The following PACS1 variants were observed in gnomAD, a reference collection of about 807,000 sequenced individuals.
The protein encoded by PACS1 is phosphofurin acidic cluster sorting protein 1, also known as PACS-1.
A neutral mutation model predicts 115.0 loss-of-function variants in PACS1; 24 were observed. That is an observed-to-expected ratio of 0.21 (90% CI 0.15 to 0.29). The LOEUF is 0.29. PACS1 is among the 10% of genes least tolerant of loss of function. PACS1 has a pLI of 1.00. For missense variants in PACS1, 838 were observed against 1,251.2 expected, an observed-to-expected ratio of 0.67 and a Z score of 4.98; for synonymous variants, 453 against 504.5, an observed-to-expected ratio of 0.90 and a Z score of 1.37.
At chr11:66,231,030 G>A in intron 13 of PACS1, 90 bp downstream of exon 13, 1 of 1,460,330 alleles carries the variant, frequency 6.8e-7, no homozygotes, top group Non-Finnish European at 9.6e-7. Context: ...ACAGTTAGTT[G>A]GAGAGAAGAG....
At chr11:66,200,478 CA>C (rs779225242) in intron 2 of PACS1, among the ~76,000 whole-genome samples, 2,269 of 138,128 alleles carry the variant, frequency 0.016, 48 homozygotes, top group African/African-American at 0.053. Context: ...TGGAAACAAA[CA>C]AAAAAAAAAA....
At chr11:66,171,249 A>G (rs1356487985) in intron 1 of PACS1, among the ~76,000 whole-genome samples, 6 of 150,344 alleles carry the variant, frequency 4.0e-5, no homozygotes, top group South Asian at 4.2e-4. Flanking sequence ...TAGTAATTCT[A>G]TTTTGTCTAA....
chr11:66,224,900 G>T (rs1047008908), intron 10 of PACS1, among the ~76,000 whole-genome samples: 4 of 152,104 alleles, frequency 2.6e-5, no homozygotes, highest in African/African-American at 9.7e-5. Flanking sequence ...TCTTAATCTT[G>T]CTTTTTGTTC....
At chr11:66,075,782 C>T (rs1228094372) in intron 1 of PACS1, among the ~76,000 whole-genome samples, 2 of 150,544 alleles carry the variant, frequency 1.3e-5, no homozygotes, top group East Asian at 1.9e-4. Flanking sequence ...CTCTGTCCCC[C>T]GGCTGGAATG....
rs577848415 is a variant in PACS1 at position 66,187,104 on chromosome 11, A to G, written c.357-6382A>G. Among the ~76,000 whole-genome samples the G allele has an allele frequency of 1.5e-3, 225 of 152,090 alleles. 5 individuals carry two copies. The highest frequency in any genetic ancestry group is 3.5e-4 in the Non-Finnish European group (24 of 68,034). ...TTTGTGTACTACATTTTGTTTGTTC[A>G]TTCTTCTGTTGGTGGGTGTGTTGTT... On this transcript the variant is annotated intron_variant, in intron 1 of 23. Transcript: ENST00000320580.
At chr11:66,202,775 A>G (rs1854845073) in intron 2 of PACS1, among the ~76,000 whole-genome samples, 1 of 127,606 alleles carries the variant, frequency 7.8e-6, no homozygotes. Flanking sequence ...ATATATATAT[A>G]TATATATTCT....
intron 1 of PACS1, among the ~76,000 whole-genome samples, chr11:66,106,761 G>C (rs1463842669): frequency 3.3e-5 from 5 of 149,412 alleles, no homozygotes. Flanking sequence ...CCCTGTCTCA[G>C]AGAAAAAAAA....
At chr11:66,071,282 CAT>C (rs1351331921) in intron 1 of PACS1, among the ~76,000 whole-genome samples, 1 of 152,204 alleles carries the variant, frequency 6.6e-6, no homozygotes, top group Non-Finnish European at 1.5e-5. Flanking sequence ...AGGTAAAGCT[CAT>C]ATAATCACCC....
intron 9 of PACS1, 93 bp from the exon 10 acceptor site, chr11:66,221,061 T>C (rs1317950224): frequency 1.6e-6 from 2 of 1,250,120 alleles, no homozygotes; most frequent in African/African-American, 2.9e-5. Context: ...CTGTAGCTTG[T>C]TGACCCACCC....
chr11:66,090,005 C>CAA (rs33912143), intron 1 of PACS1, among the ~76,000 whole-genome samples: 12,746 of 80,516 alleles, frequency 0.16, 1,761 homozygotes, highest in Admixed American at 0.29. Flanking sequence ...GACTCCATCT[C>CAA]AAAAAAAAAA....
intron 1 of PACS1, among the ~76,000 whole-genome samples, chr11:66,138,260 T>TA (rs1266214469): frequency 1.3e-5 from 2 of 151,854 alleles, no homozygotes; most frequent in Non-Finnish European, 2.9e-5. Context: ...CCCAGGTAAT[T>TA]AAAAAAAATT....
intron 1 of PACS1, among the ~76,000 whole-genome samples, chr11:66,100,068 C>T (rs923149497): frequency 6.6e-6 from 1 of 151,020 alleles, no homozygotes; most frequent in Admixed American, 6.6e-5. Flanking sequence ...TTAGTAGAGA[C>T]GTGGTCTCGC....
intron 21 of PACS1, 89 bp downstream of exon 21, chr11:66,239,366 A>G: frequency 6.8e-7 from 1 of 1,466,936 alleles, no homozygotes; most frequent in Non-Finnish European, 9.1e-7. Context: ...CTTAGAAGGT[A>G]GCCACAGGAA....
intron 2 of PACS1, among the ~76,000 whole-genome samples, chr11:66,205,108 C>T (rs1270801681): frequency 6.6e-6 from 1 of 152,134 alleles, no homozygotes; most frequent in Non-Finnish European, 1.5e-5. Context: ...CCTCAGCCTC[C>T]CAAGTAGCTG....
chr11:66,108,090 T>C (rs1366534161), intron 1 of PACS1, among the ~76,000 whole-genome samples: 1 of 152,170 alleles, frequency 6.6e-6, no homozygotes, highest in Admixed American at 6.6e-5. Flanking sequence ...GTTGTGTTAG[T>C]CTGCATGGGC....
In PACS1 at chr11:66,080,554, C is replaced by T. The variant is rs190078614; in HGVS notation, c.356+9712C>T. Among the ~76,000 whole-genome samples, 4 of 152,230 alleles carry T rather than the reference C, an allele frequency of 2.6e-5. No individual in the cohort carries two copies. The East Asian group carries it at 7.7e-4, about 29-fold the overall frequency. ...ACTGCCAGAGCCAGGTGCTACGATC[C>T]CTTTTCTCAGAAGGGAAAATTGAGG... On this transcript the variant is annotated intron_variant, in intron 1 of 23. Transcript: ENST00000320580.
At chr11:66,088,501 A>G (rs1396339036) in intron 1 of PACS1, among the ~76,000 whole-genome samples, 6 of 152,302 alleles carry the variant, frequency 3.9e-5, no homozygotes, top group African/African-American at 1.4e-4. Context: ...ATTTATTTAC[A>G]AGGTCATCCT....
chr11:66,166,711 G>C (rs1422320458), intron 1 of PACS1, among the ~76,000 whole-genome samples: 1 of 150,402 alleles, frequency 6.6e-6, no homozygotes, highest in Non-Finnish European at 1.5e-5. Context: ...TGAATTTACA[G>C]GTTTGTCTAC....
At chr11:66,073,387 A>G (rs1565096722) in intron 1 of PACS1, among the ~76,000 whole-genome samples, 1 of 152,258 alleles carries the variant, frequency 6.6e-6, no homozygotes, top group Non-Finnish European at 1.5e-5. Flanking sequence ...TATGAGATAC[A>G]TGCCCCTTAG....
Sources: allele counts gnomAD v4.1 joint callset (sites outside exome capture counted in the v4.1 genomes callset), GRCh38; gene constraint gnomAD v4.1.1; transcripts MANE v1.5; gene names NCBI Gene and HGNC (gene_info 2026-07-23, HGNC 2026-07-21).